The following CMIP variants were observed in gnomAD, a reference collection of about 807,000 sequenced individuals.
CMIP encodes C-Maf-inducing protein.
Under a neutral mutation model 97.3 loss-of-function variants are expected in CMIP, and 13 were observed. The ratio of observed to expected loss-of-function variants is 0.13; its 90% CI spans 0.09 to 0.21. The LOEUF (loss-of-function observed/expected upper bound fraction) is 0.21, where lower values mean the gene tolerates loss of function less well. Ranked by LOEUF, CMIP falls within the 10% of genes least tolerant of loss-of-function variation. The pLI, the probability that CMIP is intolerant of heterozygous loss-of-function variation, is 1.00. For missense variants in CMIP, 847 were observed against 1,024.9 expected (o/e 0.83, Z 2.37); for synonymous variants, 538 against 436.3 (o/e 1.23, Z -2.91).
intron 3 of CMIP, among the ~76,000 whole-genome samples, chr16:81,625,747 C>A (rs1228891646): frequency 6.6e-6 from 1 of 152,190 alleles, no homozygotes; most frequent in East Asian, 1.9e-4. Context: ...CTAGAGGAGC[C>A]CCGAGAAGCC....
At chr16:81,548,494 G>A (rs1390824122) in intron 1 of CMIP, among the ~76,000 whole-genome samples, 1 of 151,936 alleles carries the variant, frequency 6.6e-6, no homozygotes, top group African/African-American at 2.4e-5. Flanking sequence ...ACCATCCCTG[G>A]CCTCCACTCA....
intron 1 of CMIP, among the ~76,000 whole-genome samples, chr16:81,579,737 G>A (rs112107580): frequency 0.037 from 5,598 of 152,214 alleles, 301 homozygotes; most frequent in African/African-American, 0.12. Context: ...AATGGATCAC[G>A]AGGTCAGGAG....
At chr16:81,498,508 G>A (rs902906044) in intron 1 of CMIP, among the ~76,000 whole-genome samples, 10 of 152,160 alleles carry the variant, frequency 6.6e-5, no homozygotes, top group Non-Finnish European at 1.0e-4. Flanking sequence ...TTTCTCACGG[G>A]GGTTATCAGG....
chr16:81,497,473 C>G (rs989555106), intron 1 of CMIP, among the ~76,000 whole-genome samples: 11 of 152,210 alleles, frequency 7.2e-5, no homozygotes, highest in Non-Finnish European at 1.5e-5. Context: ...CCGAACCCAG[C>G]TGGTGGCTCC....
chr16:81,569,707 G>A (rs931217869), intron 1 of CMIP, among the ~76,000 whole-genome samples: 1 of 152,212 alleles, frequency 6.6e-6, no homozygotes, highest in African/African-American at 2.4e-5. Context: ...TGGAAAAGAT[G>A]GGCACAGTTG....
At chr16:81,511,189 A>G (rs1160870193) in intron 1 of CMIP, among the ~76,000 whole-genome samples, 1 of 152,230 alleles carries the variant, frequency 6.6e-6, no homozygotes, top group South Asian at 2.1e-4. Context: ...AATCCCTGAC[A>G]TGCTGTTAGT....
At chr16:81,667,795 A>AGGGTGTGTGTGT (rs1201342935) in intron 7 of CMIP, among the ~76,000 whole-genome samples, 1 of 68,040 alleles carries the variant, frequency 1.5e-5, no homozygotes, top group African/African-American at 5.9e-5. Context: ...AGAGAGAGAG[A>AGGGTGTGTGTGT]GAGAGTGTGT....
chr16:81,459,456 C>T (rs1349091709), intron 1 of CMIP, among the ~76,000 whole-genome samples: 4 of 152,304 alleles, frequency 2.6e-5, no homozygotes, highest in East Asian at 1.9e-4. Context: ...CCTGTCCTAA[C>T]CCCAGCCACC....
intron 10 of CMIP, among the ~76,000 whole-genome samples, chr16:81,685,198 A>G (rs1266690263): frequency 6.6e-6 from 1 of 152,136 alleles, no homozygotes; most frequent in Non-Finnish European, 1.5e-5. Context: ...AAGGAAGTCC[A>G]CTTGCCCTCT....
At chr16:81,491,120 C>T (rs1597471609) in intron 1 of CMIP, among the ~76,000 whole-genome samples, 1 of 152,086 alleles carries the variant, frequency 6.6e-6, no homozygotes. Context: ...GTTCCTGACC[C>T]ATGTGGGGTC....
intron 10 of CMIP, among the ~76,000 whole-genome samples, chr16:81,688,040 G>C (rs538991435): frequency 6.6e-6 from 1 of 152,362 alleles, no homozygotes; most frequent in East Asian, 1.9e-4. Context: ...AGAGCGAATT[G>C]CATCTGCGTT....
At chr16:81,601,541 G>C (rs989965559) in intron 1 of CMIP, among the ~76,000 whole-genome samples, 1 of 152,122 alleles carries the variant, frequency 6.6e-6, no homozygotes, top group Non-Finnish European at 1.5e-5. Context: ...GGTCCTTCTA[G>C]GCCCTATTTT....
Position 81,709,748 on chromosome 16 carries a change from C to A in CMIP, c.2271C>A (p.Ala757=). The A allele has an allele frequency of 3.7e-6, 6 of 1,613,906 alleles. No homozygotes were observed. The highest frequency in any genetic ancestry group is 5.1e-6 in the Non-Finnish European group (6 of 1,179,848). The change falls in exon 21 of 21, where the codon GCC becomes GCA. Residue 757 remains alanine (A), a splice_region_variant and synonymous_variant. Coordinates refer to ENST00000537098, the MANE Select transcript of CMIP (RefSeq NM_198390.3). ...LSADTYEDLK[A]KLPNLKEVDV... ...AGGACTCTTATTGCCACCCCCAGGC[C>A]AAGCTTCCCAATTTGAAGGAAGTGG...
At chr16:81,510,113 T>C (rs2089782567) in intron 1 of CMIP, among the ~76,000 whole-genome samples, 1 of 152,176 alleles carries the variant, frequency 6.6e-6, no homozygotes, top group Non-Finnish European at 1.5e-5. Context: ...TGTGACTTTG[T>C]CTCTTGGGCC....
At chr16:81,657,009 G>T (rs2092490549) in intron 4 of CMIP, among the ~76,000 whole-genome samples, 1 of 151,784 alleles carries the variant, frequency 6.6e-6, no homozygotes, top group African/African-American at 2.4e-5. Flanking sequence ...CTCAGACTAG[G>T]TTGCTCAACT....
At chr16:81,595,687 C>T (rs1226580757) in intron 1 of CMIP, among the ~76,000 whole-genome samples, 2 of 152,166 alleles carry the variant, frequency 1.3e-5, no homozygotes, top group Non-Finnish European at 2.9e-5. Context: ...CCACGCCTAG[C>T]CCGCATAATA....
At chr16:81,459,630 A>G (rs1453118026) in intron 1 of CMIP, among the ~76,000 whole-genome samples, 1 of 152,218 alleles carries the variant, frequency 6.6e-6, no homozygotes, top group East Asian at 1.9e-4. Flanking sequence ...TTTCTAAACG[A>G]TATTGCCCCT....
chr16:81,621,169 C>T lies in CMIP; in HGVS notation c.477+243C>T, dbSNP rs1442357464. On this transcript the variant is annotated intron_variant, in intron 3 of 20. Coordinates refer to ENST00000537098, the MANE Select transcript of CMIP (RefSeq NM_198390.3). The surrounding 1 kb of genome is among the most constrained non-coding windows in gnomAD (Gnocchi z 4.1). ...GTTCTCAAACCCTATAGCTGTTTTCCTGCTTCAAAAGGATCATAGAACTGC... is the reference window on the plus strand; with the variant it reads ...GTTCTCAAACCCTATAGCTGTTTTCTTGCTTCAAAAGGATCATAGAACTGC... The T allele has an allele frequency of 8.8e-6, 4 of 453,496 alleles. No homozygotes were observed. The highest frequency in any genetic ancestry group is 7.9e-5 in the East Asian group (2 of 25,190). 28.1% of individuals were successfully genotyped at this position (453,496 alleles called of 1,614,324 possible).
rs200713885 is a variant in CMIP, at chr16:81,507,757, C to T, written c.300+62216C>T. 8.5e-5 allele frequency among the ~76,000 whole-genome samples: 13 copies of T among 152,262 alleles called. No homozygotes were observed. In the East Asian group the frequency reaches 2.5e-3, roughly 29 times the overall value. The stretch of plus-strand genomic sequence containing the variant: ...AACCAGGAGACCTGAGTGGAATCTC[C>T]TGGTTGGGGTGGCCGCAGATCACTT... On this transcript the variant is annotated intron_variant, in intron 1 of 20. Transcript: ENST00000537098.
Sources: allele counts gnomAD v4.1 joint callset (sites outside exome capture counted in the v4.1 genomes callset), GRCh38; gene constraint gnomAD v4.1.1; non-coding constraint Gnocchi (gnomAD v3.1); transcripts MANE v1.5; gene names NCBI Gene and HGNC (gene_info 2026-07-23, HGNC 2026-07-21).